The following GRIK2 variants were observed in gnomAD, a reference collection of about 807,000 sequenced individuals.
GRIK2 encodes the protein glutamate ionotropic receptor kainate type subunit 2.
In GRIK2, 32 loss-of-function variants were observed where a neutral mutation model predicts 100.3. That is an observed-to-expected ratio of 0.32 (90% CI 0.24 to 0.43). The LOEUF (loss-of-function observed/expected upper bound fraction) is 0.43. Ranked by LOEUF, GRIK2 falls within the 20% of genes least tolerant of loss-of-function variation. GRIK2 has a pLI of 1.00. For synonymous variants in GRIK2, 417 were observed against 389.4 expected (o/e 1.07, Z -0.83); for missense variants, 843 against 1,114.9 (o/e 0.76, Z 3.47).
At chr6:101,867,368 A>G (rs578007526) in intron 11 of GRIK2, among the ~76,000 whole-genome samples, 1 of 63,600 alleles carries the variant, frequency 1.6e-5, no homozygotes, top group Non-Finnish European at 2.9e-5. Context: ...ACATTTTTTA[A>G]AAGGGCTAAT....
chr6:101,761,300 G>C (rs1034240095), intron 7 of GRIK2, among the ~76,000 whole-genome samples: 3 of 152,094 alleles, frequency 2.0e-5, no homozygotes, highest in African/African-American at 7.2e-5. Flanking sequence ...AAAATGAAGG[G>C]AAAGCAAGAA....
intron 14 of GRIK2, among the ~76,000 whole-genome samples, chr6:102,032,224 A>G (rs1419618370): frequency 1.3e-5 from 2 of 151,202 alleles, no homozygotes; most frequent in Non-Finnish European, 3.0e-5. Context: ...TCCTTCCTTG[A>G]TGATTACCTT....
chr6:101,596,052 C>G (rs1333261592), intron 2 of GRIK2, among the ~76,000 whole-genome samples: 1 of 150,408 alleles, frequency 6.6e-6, no homozygotes, highest in Non-Finnish European at 1.5e-5. Context: ...GTGAGGGTCT[C>G]CAGGAGTTCT....
At chr6:101,872,573 T>C (rs1342243505) in intron 11 of GRIK2, among the ~76,000 whole-genome samples, 1 of 151,786 alleles carries the variant, frequency 6.6e-6, no homozygotes, top group Non-Finnish European at 1.5e-5. Flanking sequence ...AAGATTAGAT[T>C]TGGGTGGGGA....
intron 12 of GRIK2, among the ~76,000 whole-genome samples, chr6:101,901,374 C>G (rs1787836975): frequency 6.6e-6 from 1 of 151,964 alleles, no homozygotes; most frequent in South Asian, 2.1e-4. Flanking sequence ...TTTTGAATGT[C>G]TAATTATAGT....
At chr6:101,807,879 C>A (rs1236178618) in intron 9 of GRIK2, among the ~76,000 whole-genome samples, 1 of 151,894 alleles carries the variant, frequency 6.6e-6, no homozygotes, top group African/African-American at 2.4e-5. Context: ...TGTATTCAGT[C>A]TGTGAGTGGA....
At chr6:101,446,807 A>AT (rs200827554) in intron 2 of GRIK2, among the ~76,000 whole-genome samples, 2 of 150,490 alleles carry the variant, frequency 1.3e-5, no homozygotes, top group Admixed American at 6.7e-5. Flanking sequence ...GCTTTGTCGT[A>AT]TTTTTTTTTG....
intron 2 of GRIK2, among the ~76,000 whole-genome samples, chr6:101,432,350 C>T (rs1465168): frequency 0.58 from 88,709 of 152,010 alleles, 26,636 homozygotes; most frequent in East Asian, 0.92. Context: ...TTTGCTCTTA[C>T]GGAATTCTAG....
intron 2 of GRIK2, among the ~76,000 whole-genome samples, chr6:101,408,797 ATTGT>A (rs1775727112): frequency 6.6e-6 from 1 of 152,070 alleles, no homozygotes; most frequent in East Asian, 1.9e-4. Flanking sequence ...ACACACCCAA[ATTGT>A]TTGACCAAAT....
At chr6:102,027,372 G>A (rs2114392063) in intron 14 of GRIK2, among the ~76,000 whole-genome samples, 1 of 151,216 alleles carries the variant, frequency 6.6e-6, no homozygotes, top group South Asian at 2.1e-4. Context: ...ATTTATAAAT[G>A]TCTGTTTATT....
At chr6:101,413,668 C>T (rs540029562) in intron 2 of GRIK2, among the ~76,000 whole-genome samples, 1 of 151,968 alleles carries the variant, frequency 6.6e-6, no homozygotes, top group Non-Finnish European at 1.5e-5. Flanking sequence ...TCTATAGGTT[C>T]TGTTTCAGTA....
chr6:101,964,287 A>T (rs923001785), intron 14 of GRIK2, among the ~76,000 whole-genome samples: 2 of 151,798 alleles, frequency 1.3e-5, no homozygotes, highest in Non-Finnish European at 2.9e-5. Context: ...GTATGATATA[A>T]CATATATGTA....
rs569658385 is a variant in GRIK2, at chr6:101,979,730, G to A, written c.2085+51098G>A. ...CTTCATCTTGGTGATAGAGGGACAC[G>A]AAAAAGTGTAATTTGTCTAAGTTAG... On this transcript the variant is annotated intron_variant, in intron 14 of 16. Transcript: ENST00000369134. Among the ~76,000 whole-genome samples the A allele has an allele frequency of 1.1e-4, 16 of 151,928 alleles. No individual in the cohort carries two copies. In the South Asian group the frequency reaches 2.5e-3, roughly 24 times the overall value.
intron 2 of GRIK2, among the ~76,000 whole-genome samples, chr6:101,519,227 T>C (rs1206791843): frequency 6.6e-6 from 1 of 151,574 alleles, no homozygotes; most frequent in African/African-American, 2.4e-5. Flanking sequence ...TTACAGAGGC[T>C]AGAAAGTTTG....
intron 2 of GRIK2, among the ~76,000 whole-genome samples, chr6:101,436,406 A>G (rs942762612): frequency 2.0e-5 from 3 of 152,096 alleles, no homozygotes; most frequent in Non-Finnish European, 2.9e-5. Context: ...ACATTGTTAA[A>G]AAAATTTTTT....
At chr6:101,442,935 CAT>C (rs1770161861) in intron 2 of GRIK2, among the ~76,000 whole-genome samples, 1 of 152,138 alleles carries the variant, frequency 6.6e-6, no homozygotes. Context: ...AAATAAATAA[CAT>C]AAGATTCTTT....
chr6:101,690,769 T>C lies in GRIK2; in HGVS notation c.951+4416T>C, dbSNP rs144486264. 6.6e-5 allele frequency among the ~76,000 whole-genome samples: 10 copies of C among 152,290 alleles called. No individual in the cohort carries two copies. In the East Asian group the frequency reaches 1.5e-3, roughly 23 times the overall value. ...TTGTCACTCATCATGTATCACCTAT[T>C]CCAGCATAGGATACTTCATTATTTA... On this transcript the variant is annotated intron_variant, in intron 7 of 16. Coordinates refer to ENST00000369134, the MANE Select transcript of GRIK2 (RefSeq NM_021956.5).
chr6:101,680,293 G>A (rs1771150549), intron 5 of GRIK2, among the ~76,000 whole-genome samples: 1 of 152,140 alleles, frequency 6.6e-6, no homozygotes, highest in Non-Finnish European at 1.5e-5. Flanking sequence ...AGACGTCCAT[G>A]TTTTCAAATT....
intron 14 of GRIK2, among the ~76,000 whole-genome samples, chr6:102,021,632 G>C (rs1463145345): frequency 2.6e-5 from 4 of 151,562 alleles, no homozygotes; most frequent in African/African-American, 9.6e-5. Flanking sequence ...AGGCTTATTA[G>C]TATTTTTTCA....
Sources: gnomAD v4.1 joint callset for allele counts (sites outside exome capture counted in the v4.1 genomes callset) on GRCh38, gnomAD v4.1.1 for gene constraint, MANE v1.5 for transcripts, NCBI Gene and HGNC (gene_info 2026-07-23, HGNC 2026-07-21) for gene names.